The following ALPL variants were observed in gnomAD, a reference collection of about 807,000 sequenced individuals.
ALPL encodes the protein alkaline phosphatase, biomineralization associated.
ALPL carries 42 observed loss-of-function variants against 51.3 expected under a neutral mutation model. The ratio of observed to expected loss-of-function variants is 0.82; its 90% confidence interval spans 0.64 to 1.06. ALPL has a LOEUF of 1.06. ALPL is among the 50% of genes least tolerant of loss of function. The pLI, the probability that ALPL is intolerant of heterozygous loss-of-function variation, is 0.00. For missense variants in ALPL, 589 were observed against 709.4 expected (o/e 0.83, Z 1.93); for synonymous variants, 279 against 296.4 (o/e 0.94, Z 0.60).
intron 6 of ALPL, among the ~76,000 whole-genome samples, chr1:21,567,341 T>C (rs1158790115): frequency 6.6e-6 from 1 of 152,118 alleles, no homozygotes; most frequent in Non-Finnish European, 1.5e-5. Flanking sequence ...ACTTCAAACA[T>C]GGACTCCCAA....
At chr1:21,509,366 C>A (rs1408580363), upstream of ALPL, 1 of 149,030 alleles carries the variant, frequency 6.7e-6, no homozygotes, top group Admixed American at 6.6e-5. This position sits in a 1 kb window ranked among gnomAD's most constrained non-coding sequence, Gnocchi z 6.0. Flanking sequence ...GCGGGCTGCC[C>A]GGGCCTCACT....
chr1:21,562,193 T>G (rs970555766), intron 4 of ALPL, among the ~76,000 whole-genome samples: 1 of 152,230 alleles, frequency 6.6e-6, no homozygotes, highest in Non-Finnish European at 1.5e-5. Flanking sequence ...GATAGCATTA[T>G]GTCTAAAAAA....
chr1:21,551,261 G>A (rs1295985674), intron 1 of ALPL: 1 of 152,182 alleles, frequency 6.6e-6, no homozygotes, highest in Admixed American at 6.6e-5. Flanking sequence ...AGACAAACAA[G>A]ACAAAGTCCT....
At chr1:21,534,750 A>G (rs1338549432) in intron 1 of ALPL, among the ~76,000 whole-genome samples, 5 of 152,164 alleles carry the variant, frequency 3.3e-5, no homozygotes, top group Non-Finnish European at 1.5e-5. Flanking sequence ...CTGGGCAAGA[A>G]TCCAGTTGCG....
intron 6 of ALPL, among the ~76,000 whole-genome samples, chr1:21,567,211 A>G (rs1436773162): frequency 6.6e-6 from 1 of 152,198 alleles, no homozygotes; most frequent in East Asian, 1.9e-4. Context: ...CTGCACTCCC[A>G]AGGTGTCAGC....
intron 6 of ALPL, among the ~76,000 whole-genome samples, chr1:21,566,901 G>C (rs566923957): frequency 6.6e-6 from 1 of 152,124 alleles, no homozygotes; most frequent in East Asian, 1.9e-4. Context: ...CTGGCCAGTC[G>C]CATTTTATGG....
chr1:21,569,023 G>A (rs184318855), intron 7 of ALPL, among the ~76,000 whole-genome samples: 2 of 152,298 alleles, frequency 1.3e-5, no homozygotes, highest in Admixed American at 1.3e-4. Context: ...ATGTCACTCT[G>A]GGGTTGGGTT....
intron 2 of ALPL, 63 bp downstream of exon 2, chr1:21,554,205 G>T: frequency 6.6e-7 from 1 of 1,516,480 alleles, no homozygotes; most frequent in Non-Finnish European, 9.2e-7. Context: ...GATGAGGGCA[G>T]TGTCTATGTT....
chr1:21,575,969 C>T (rs778861526), intron 10 of ALPL, 45 bp downstream of exon 10: 1 of 1,607,816 alleles, frequency 6.2e-7, no homozygotes, highest in Non-Finnish European at 8.5e-7. Flanking sequence ...GGTCTCCTGT[C>T]TACCCACCTG....
chr1:21,576,895 T>G (rs1644745358), intron 11 of ALPL, among the ~76,000 whole-genome samples: 1 of 152,186 alleles, frequency 6.6e-6, no homozygotes, highest in African/African-American at 2.4e-5. Flanking sequence ...TCTAAAAGGG[T>G]TCTACCTTTG....
chr1:21,552,001 A>G (rs1280099983), intron 1 of ALPL, among the ~76,000 whole-genome samples: 4 of 150,004 alleles, frequency 2.7e-5, no homozygotes, highest in Non-Finnish European at 5.9e-5. Context: ...CTGGGATTAC[A>G]GGCGTGAGCC....
At position 21,538,111 on chromosome 1, in the gene ALPL, G is replaced by C. The variant is rs1277756640; in HGVS notation, c.-104-15867G>C. Among the ~76,000 whole-genome samples, 5 of 152,302 alleles carry C rather than the reference G, an allele frequency of 3.3e-5. No individual in the cohort carries two copies. In the East Asian group the frequency reaches 9.6e-4, roughly 29 times the overall value. ...ATTGTTTAATGCGTACCAGGCCCTG[G>C]GTCTTTCTCTCCTTGTTTATTGTCT... On this transcript the variant is annotated intron_variant, in intron 1 of 11. Transcript: ENST00000374840.
intron 1 of ALPL, among the ~76,000 whole-genome samples, chr1:21,512,209 T>G (rs557393436): frequency 2.0e-5 from 3 of 152,206 alleles, no homozygotes; most frequent in Admixed American, 6.5e-5. Flanking sequence ...TGTGGTATGT[T>G]AGATTTGTTT....
chr1:21,528,505 G>A lies in ALPL; in HGVS notation c.-105+18988G>A, dbSNP rs1643983342. On this transcript the variant is annotated intron_variant, in intron 1 of 11. Coordinates refer to ENST00000374840, the MANE Select transcript of ALPL (RefSeq NM_000478.6). ...TGGGATTACGGGCATGTGCCACCAT[G>A]CCTGGCTAATTTTTTTTTGTATTTT... Among the ~76,000 whole-genome samples, 3 of 151,454 alleles carry A rather than the reference G, an allele frequency of 2.0e-5. No homozygotes were observed. The South Asian group carries it at 6.3e-4, about 32-fold the overall frequency.
intron 1 of ALPL, among the ~76,000 whole-genome samples, chr1:21,519,723 G>C (rs1643864708): frequency 1.3e-5 from 2 of 152,230 alleles, no homozygotes; most frequent in Non-Finnish European, 2.9e-5. Flanking sequence ...CTTGAATCCG[G>C]GAGGCGGAGG....
At chr1:21,551,539 C>T (rs756061974) in intron 1 of ALPL, 71 of 57,102 alleles carry the variant, frequency 1.2e-3, no homozygotes, top group Non-Finnish European at 1.9e-3. Flanking sequence ...ATTTGGAAAC[C>T]GTAAAGTAGA....
intron 1 of ALPL, among the ~76,000 whole-genome samples, chr1:21,553,623 C>T (rs1644360538): frequency 6.6e-6 from 1 of 152,208 alleles, no homozygotes; most frequent in Non-Finnish European, 1.5e-5. Context: ...GTAACAAGCC[C>T]TTGGGGGATT....
At chr1:21,528,007 T>TG in intron 1 of ALPL, among the ~76,000 whole-genome samples, 1 of 99,960 alleles carries the variant, frequency 1.0e-5, no homozygotes, top group African/African-American at 4.3e-5. Context: ...ACGTGTTTTT[T>TG]TTTTTTTTGT....
intron 1 of ALPL, among the ~76,000 whole-genome samples, chr1:21,515,915 C>T (rs1643790551): frequency 6.6e-6 from 1 of 151,944 alleles, no homozygotes; most frequent in South Asian, 2.1e-4. Flanking sequence ...GCTCTGTTGC[C>T]CAGGCTGGAG....
Sources: allele counts gnomAD v4.1 joint callset (sites outside exome capture counted in the v4.1 genomes callset), GRCh38; gene constraint gnomAD v4.1.1; non-coding constraint Gnocchi (gnomAD v3.1); transcripts MANE v1.5; gene names NCBI Gene and HGNC (gene_info 2026-07-23, HGNC 2026-07-21).